The following NFATC1 variants were observed in gnomAD, a reference collection of about 807,000 sequenced individuals.
NFATC1 encodes nuclear factor of activated T-cells, cytoplasmic 1.
NFATC1 carries 22 observed loss-of-function variants against 76.0 expected under a neutral mutation model. That is an observed-to-expected ratio of 0.29 (90% CI 0.21 to 0.41). The LOEUF (loss-of-function observed/expected upper bound fraction) is 0.41, where lower values mean the gene tolerates loss of function less well. Among genes scored for constraint, NFATC1 ranks in the 10% least tolerant of loss-of-function variants. NFATC1 has a pLI of 1.00. For missense variants in NFATC1, 1,357 were observed against 1,337.7 expected (o/e 1.01, Z -0.23); for synonymous variants, 704 against 613.1 (o/e 1.15, Z -2.19).
chr18:79,411,385 C>A lies in NFATC1; in HGVS notation c.1110C>A (p.Asp370Glu). The change falls in exon 2 of 10, where the codon GAC becomes GAA. Residue 370 changes from aspartate to glutamate, a missense_variant. Physicochemically the swap from Asp to Glu is conservative, Grantham distance 45 (BLOSUM62 2). Transcript: ENST00000427363. ...PPPPADFAPE[D>E]YSSFQHIRKG... ...CCCCGGCCGACTTCGCGCCCGAAGA[C>A]TACTCCTCTTTCCAGCACATCAGGA... 1 of 1,582,512 alleles carries A rather than the reference C, an allele frequency of 6.3e-7. No individual in the cohort carries two copies. The highest frequency in any genetic ancestry group is 1.8e-5 in the Admixed American group (1 of 55,882).
chr18:79,524,860 C>T lies in NFATC1; in HGVS notation c.2783-2668C>T, dbSNP rs1428136208. 2.6e-5 allele frequency among the ~76,000 whole-genome samples: 4 copies of T among 152,018 alleles called. No homozygotes were observed. In the East Asian group the frequency reaches 7.7e-4, roughly 29 times the overall value. ...GCCGCTTCCCTTTCACCCTCAGCGA[C>T]GCGCCCTCCTGTGCCCGCGGGGAAC... is the stretch of plus-strand genomic sequence containing the variant. On this transcript the variant is annotated intron_variant, in intron 9 of 9. Transcript: ENST00000427363. This position sits in a 1 kb window ranked among gnomAD's most constrained non-coding sequence, Gnocchi z 7.2.
At chr18:79,434,685 G>GC (rs1161715254) in intron 3 of NFATC1, among the ~76,000 whole-genome samples, 1 of 152,270 alleles carries the variant, frequency 6.6e-6, no homozygotes, top group Non-Finnish European at 1.5e-5. Context: ...AATGATGCAA[G>GC]CCGGAAGGGG....
At chr18:79,512,066 G>C (rs538165726) in intron 9 of NFATC1, among the ~76,000 whole-genome samples, 1 of 152,114 alleles carries the variant, frequency 6.6e-6, no homozygotes, top group African/African-American at 2.4e-5. Context: ...CCTTGTCTCC[G>C]GCCCAAGCGA....
intron 3 of NFATC1, among the ~76,000 whole-genome samples, chr18:79,436,227 G>A (rs2086770183): frequency 6.6e-6 from 1 of 152,236 alleles, no homozygotes; most frequent in South Asian, 2.1e-4. Flanking sequence ...GAGGCTCATC[G>A]CACTGGCCTG....
intron 8 of NFATC1, among the ~76,000 whole-genome samples, chr18:79,484,934 C>T (rs1055119491): frequency 1.6e-4 from 24 of 152,256 alleles, no homozygotes; most frequent in African/African-American, 4.8e-4. Context: ...CCGTCTCCAT[C>T]GTTCGCAGCT....
At chr18:79,471,482 A>C (rs746757626) in intron 8 of NFATC1, among the ~76,000 whole-genome samples, 4 of 152,218 alleles carry the variant, frequency 2.6e-5, no homozygotes, top group Non-Finnish European at 5.9e-5. Flanking sequence ...AACATGACAA[A>C]TGCCAGGTCT....
At chr18:79,446,892 A>C (rs1483490406) in intron 3 of NFATC1, among the ~76,000 whole-genome samples, 1 of 152,180 alleles carries the variant, frequency 6.6e-6, no homozygotes, top group East Asian at 1.9e-4. Context: ...GCCTTCGTTC[A>C]GCCTCTGGCT....
intron 6 of NFATC1, among the ~76,000 whole-genome samples, chr18:79,456,296 C>T (rs1361216372): frequency 1.3e-5 from 2 of 152,232 alleles, no homozygotes; most frequent in African/African-American, 4.8e-5. Context: ...CAGGCAGAGG[C>T]CATGTCATCC....
rs148579257 is a variant in NFATC1, at chr18:79,485,913, G to A, written c.2093-335G>A. Among the ~76,000 whole-genome samples, 58 of 152,360 alleles carry A rather than the reference G, an allele frequency of 3.8e-4. 1 individual carries two copies. Among genetic ancestry groups the A allele is most frequent in the African/African-American group, 1.2e-3 (51 of 41,596 alleles). On this transcript the variant is annotated intron_variant, in intron 8 of 9. Coordinates refer to ENST00000427363, the MANE Select transcript of NFATC1 (RefSeq NM_001278669.2). ...GAGTGTCGGGAGCAGAAATGCAGTC[G>A]TGCATCCACGTTGAAACTTTCGCTT...
chr18:79,523,249 T>C (rs2090662329), intron 9 of NFATC1, among the ~76,000 whole-genome samples: 1 of 152,182 alleles, frequency 6.6e-6, no homozygotes, highest in Non-Finnish European at 1.5e-5. Flanking sequence ...CAGAAAAATG[T>C]TGCTTCCAAG....
At chr18:79,472,218 G>C (rs935301608) in intron 8 of NFATC1, among the ~76,000 whole-genome samples, 1 of 152,156 alleles carries the variant, frequency 6.6e-6, no homozygotes, top group Non-Finnish European at 1.5e-5. Context: ...AGGGTCGACA[G>C]CTGGGGGCTT....
intron 9 of NFATC1, among the ~76,000 whole-genome samples, chr18:79,519,078 G>T (rs2090452223): frequency 6.6e-6 from 1 of 152,218 alleles, no homozygotes; most frequent in Admixed American, 6.5e-5. Context: ...GCTAAACCTT[G>T]TTCTACCAGA....
chr18:79,396,726 G>C (rs547956070), intron 1 of NFATC1, among the ~76,000 whole-genome samples: 1 of 152,118 alleles, frequency 6.6e-6, no homozygotes, highest in Non-Finnish European at 1.5e-5. Flanking sequence ...TGGGAGTGAA[G>C]GATGCCCCGT....
At chr18:79,424,475 C>G (rs911515744) in intron 2 of NFATC1, among the ~76,000 whole-genome samples, 1 of 132,016 alleles carries the variant, frequency 7.6e-6, no homozygotes, top group Non-Finnish European at 1.6e-5. Flanking sequence ...GTCTCTCTCT[C>G]TCTTTGTCTC....
chr18:79,447,397 G>A (rs1357377595), intron 3 of NFATC1, among the ~76,000 whole-genome samples: 2 of 152,264 alleles, frequency 1.3e-5, no homozygotes, highest in South Asian at 2.1e-4. Flanking sequence ...AGGAGCCCAG[G>A]CCTGGACTCT....
intron 8 of NFATC1, among the ~76,000 whole-genome samples, chr18:79,471,183 G>A (rs2088773238): frequency 6.6e-6 from 1 of 152,220 alleles, no homozygotes; most frequent in Non-Finnish European, 1.5e-5. Context: ...AGGGCTGAGG[G>A]ATGATCTGGT....
At chr18:79,399,331 C>G (rs575139586) in intron 1 of NFATC1, among the ~76,000 whole-genome samples, 3 of 152,370 alleles carry the variant, frequency 2.0e-5, no homozygotes, top group African/African-American at 7.2e-5. Flanking sequence ...TTTCTCGCCT[C>G]TGGAAAAGGC....
chr18:79,491,588 C>T (rs1310282254), intron 9 of NFATC1, among the ~76,000 whole-genome samples: 1 of 152,216 alleles, frequency 6.6e-6, no homozygotes, highest in African/African-American at 2.4e-5. Context: ...CGTGAGGTGC[C>T]TGTGGCAGGA....
chr18:79,522,151 CTG>C (rs567274812), intron 9 of NFATC1, among the ~76,000 whole-genome samples: 956 of 27,002 alleles, frequency 0.035, 46 homozygotes, highest in Admixed American at 0.054. Flanking sequence ...ATGTTTGTGT[CTG>C]TGTGTGTGTG....
Sources: gnomAD v4.1 joint callset for allele counts (sites outside exome capture counted in the v4.1 genomes callset) on GRCh38, gnomAD v4.1.1 for gene constraint, Gnocchi (gnomAD v3.1) non-coding constraint, MANE v1.5 for transcripts, NCBI Gene and HGNC (gene_info 2026-07-23, HGNC 2026-07-21) for gene names.